UPK3A: variants seen among roughly 807,000 people sequenced by gnomAD.
The protein encoded by UPK3A is uroplakin 3A.
UPK3A carries 32 observed loss-of-function variants against 27.6 expected under a neutral mutation model. That is an observed-to-expected ratio of 1.16 (90% CI 0.87 to 1.55). UPK3A has a LOEUF of 1.55. UPK3A is among the 40% of genes most tolerant of loss of function. UPK3A has a pLI of 0.00. For missense variants in UPK3A, 370 were observed against 367.9 expected, an observed-to-expected ratio of 1.01 and a Z score of -0.05; for synonymous variants, 171 against 163.9, an observed-to-expected ratio of 1.04 and a Z score of -0.33.
intron 5 of UPK3A, among the ~76,000 whole-genome samples, chr22:45,293,781 C>A (rs118012774): frequency 2.9e-3 from 449 of 152,280 alleles, no homozygotes; most frequent in Non-Finnish European, 4.9e-3. Context: ...TATAATACAC[C>A]TACTTGCAGT....
Position 45,293,175 on chromosome 22 carries a change from C to A in UPK3A, c.572-6C>A. ...TGGGAAGTAACCGGGCTGCATCCCA[C>A]CACAGTCACCCCATACTCGACGATC... On this transcript the variant is annotated splice_polypyrimidine_tract_variant and splice_region_variant and intron_variant, in intron 4 of 5. Transcript: ENST00000216211. 1 of 1,613,606 alleles carries A rather than the reference C, an allele frequency of 6.2e-7. No individual in the cohort carries two copies. Among genetic ancestry groups the A allele is most frequent in the Non-Finnish European group, 8.5e-7 (1 of 1,180,024 alleles).
chr22:45,293,053 C>T, intron 4 of UPK3A, 128 bp from the exon 5 acceptor site: 1 of 1,381,384 alleles, frequency 7.2e-7, no homozygotes, highest in South Asian at 1.2e-5. Context: ...AGAGAAGTCG[C>T]CCCACTGGGT....
At position 45,287,214 on chromosome 22, in the gene UPK3A, C is replaced by T. The variant is rs755300947; in HGVS notation, c.251C>T (p.Pro84Leu). ...NASVQDSTNT[P>L]LGSTFLQTEG... ...TCAGTGCAAGACAGCACCAACACCC[C>T]ACTGGGCTCAACGTTCCTACAAACA... The change falls in exon 3 of 6, where the codon CCA becomes CTA. Residue 84 changes from proline (P) to leucine (L), a missense_variant. By Grantham distance (98) the Pro-to-Leu change is moderately conservative. Coordinates refer to ENST00000216211, the MANE Select transcript of UPK3A (RefSeq NM_006953.4). 6.2e-7 allele frequency: 1 copy of T among 1,614,242 alleles called. No homozygotes were observed. Among genetic ancestry groups the T allele is most frequent in the Non-Finnish European group, 8.5e-7 (1 of 1,180,052 alleles).
In UPK3A at chr22:45,295,826, T is replaced by C. The variant is rs558490093; in HGVS notation, c.*107T>C. ...TTCAGGGAAGGTGAAACAGGGCTTG[T>C]CCCTCCAACTGCAGGAAAACCCTTA... On this transcript the variant is annotated 3_prime_UTR_variant, in exon 6 of 6. Coordinates refer to ENST00000216211, the MANE Select transcript of UPK3A (RefSeq NM_006953.4). 2.4e-3 allele frequency: 3,196 copies of C among 1,334,734 alleles called. 10 individuals are homozygous for C. Among genetic ancestry groups the C allele is most frequent in the Non-Finnish European group, 3.1e-3 (2,917 of 949,728 alleles). 82.7% of individuals were successfully genotyped at this position (1,334,734 alleles called of 1,614,324 possible).
chr22:45,285,887 T>C (rs1419974902), intron 1 of UPK3A, 54 bp from the exon 2 acceptor site: 31 of 1,610,810 alleles, frequency 1.9e-5, no homozygotes, highest in Non-Finnish European at 2.4e-5. Context: ...GCAAGCAGAG[T>C]GGGTGTGGAC....
At chr22:45,289,816 C>T (rs1009115750) in intron 4 of UPK3A, among the ~76,000 whole-genome samples, 2 of 151,840 alleles carry the variant, frequency 1.3e-5, no homozygotes, top group African/African-American at 4.8e-5. Flanking sequence ...CCTTGAGGGC[C>T]AGGTGTGGGA....
At chr22:45,285,148 T>TCAGGG in intron 1 of UPK3A, 83 bp downstream of exon 1, 2 of 1,292,510 alleles carry the variant, frequency 1.5e-6, no homozygotes, top group Non-Finnish European at 2.1e-6. Context: ...TGGACCCTGA[T>TCAGGG]TCCTGGCGCT....
rs145912537 is a variant in UPK3A, at chr22:45,290,020, A to T, written c.571+877A>T. Reference sequence around the variant, plus strand: ...AGCAGCAAGCACCCTATGGCCAGGTAAGATGTTTCCAAGGCCTAAAACCAA... The same window carrying T: ...AGCAGCAAGCACCCTATGGCCAGGTTAGATGTTTCCAAGGCCTAAAACCAA... On this transcript the variant is annotated intron_variant, in intron 4 of 5. Transcript: ENST00000216211. Among the ~76,000 whole-genome samples, 307 of 152,292 alleles carry T rather than the reference A, an allele frequency of 2.0e-3. 1 individual carries two copies. Among genetic ancestry groups the T allele is most frequent in the African/African-American group, 6.9e-3 (288 of 41,558 alleles).
In UPK3A at chr22:45,293,217, G is replaced by A. The variant is rs766890662; in HGVS notation, c.608G>A (p.Arg203Gln). The change falls in exon 5 of 6, where the codon CGG becomes CAG. Residue 203 changes from arginine (R) to glutamine (Q), a missense_variant. Arg to Gln is a conservative substitution (Grantham distance 43). Coordinates refer to ENST00000216211, the MANE Select transcript of UPK3A (RefSeq NM_006953.4). Reference protein sequence around the residue: ...PYSTIDTWPGRRSGGMIVITS... With the variant: ...PYSTIDTWPGQRSGGMIVITS... ...TCGACGATCGACACGTGGCCAGGCC[G>A]GCGGAGCGGAGGCATGATCGTCATC... 25 of 1,613,950 alleles carry A rather than the reference G, an allele frequency of 1.5e-5. No individual in the cohort carries two copies. The highest frequency in any genetic ancestry group is 1.1e-4 in the East Asian group (5 of 44,868).
intron 1 of UPK3A, 67 bp from the exon 2 acceptor site, chr22:45,285,874 A>G: frequency 1.9e-6 from 3 of 1,608,698 alleles, no homozygotes; most frequent in Non-Finnish European, 2.5e-6. Flanking sequence ...GTGCTCAGTA[A>G]CTGCAAGCAG....
At position 45,285,992 on chromosome 22, in the gene UPK3A, C is replaced by T. The variant is rs150489974; in HGVS notation, c.104C>T (p.Pro35Leu). The change falls in exon 2 of 6, where the codon CCC (proline) becomes CTC (leucine). Residue 35 changes from proline (P) to leucine (L), a missense_variant. Coordinates refer to ENST00000216211, the MANE Select transcript of UPK3A (RefSeq NM_006953.4). ...AGTGTGACTTTCGCCACCAACAACC[C>T]CACACTTACCACTGTGGCCTTGGAA... ...LASVTFATNN[P>L]TLTTVALEKP... The T allele has an allele frequency of 6.2e-7, 1 of 1,614,062 alleles. No individual in the cohort carries two copies. Among genetic ancestry groups the T allele is most frequent in the Non-Finnish European group, 8.5e-7 (1 of 1,180,014 alleles).
chr22:45,286,541 C>T (rs1187290873), intron 2 of UPK3A, among the ~76,000 whole-genome samples: 2 of 152,162 alleles, frequency 1.3e-5, no homozygotes, highest in African/African-American at 4.8e-5. Context: ...TGCATTTGGA[C>T]CTGCTGCTGT....
intron 5 of UPK3A, 44 bp downstream of exon 5, chr22:45,293,357 C>T: frequency 6.2e-7 from 1 of 1,611,134 alleles, no homozygotes; most frequent in South Asian, 1.1e-5. Context: ...AGGGACATGC[C>T]AGACACATTT....
chr22:45,288,613 G>A (rs1293723547), intron 3 of UPK3A, among the ~76,000 whole-genome samples: 1 of 152,254 alleles, frequency 6.6e-6, no homozygotes, highest in Non-Finnish European at 1.5e-5. Flanking sequence ...GATTACAGGC[G>A]TGAGCCACCA....
At position 45,286,165 on chromosome 22, in the gene UPK3A, A is replaced by C. The variant is rs979265299; in HGVS notation, c.208+69A>C. 2.5e-6 allele frequency: 4 copies of C among 1,589,114 alleles called. No individual in the cohort carries two copies. In the African/African-American group the frequency reaches 5.4e-5, roughly 21 times the overall value. On this transcript the variant is annotated intron_variant, in intron 2 of 5. Coordinates refer to ENST00000216211, the MANE Select transcript of UPK3A (RefSeq NM_006953.4). ...ACCTGTCTGCAGGGAGGAGGGAAGG[A>C]GGCAGATAGAGGAACCCTCCATGCC...
chr22:45,294,475 G>A (rs879724676), intron 5 of UPK3A, among the ~76,000 whole-genome samples: 4 of 152,044 alleles, frequency 2.6e-5, no homozygotes, highest in Non-Finnish European at 5.9e-5. Flanking sequence ...TGTCAGTGGA[G>A]TCCCGAGTCC....
intron 4 of UPK3A, among the ~76,000 whole-genome samples, chr22:45,291,198 G>C (rs541651479): frequency 6.6e-6 from 1 of 152,136 alleles, no homozygotes; most frequent in East Asian, 1.9e-4. Context: ...GGGGTTGTGT[G>C]TGTGAATATG....
chr22:45,293,084 C>T (rs2084172176), intron 4 of UPK3A, 97 bp from the exon 5 acceptor site: 2 of 1,568,326 alleles, frequency 1.3e-6, no homozygotes, highest in East Asian at 2.3e-5. Context: ...TCCCTGGATC[C>T]CCGGCAGCCA....
chr22:45,286,094 C>A lies in UPK3A; in HGVS notation c.206C>A (p.Ser69Ter). 2.5e-6 allele frequency: 4 copies of A among 1,614,104 alleles called. No homozygotes were observed. Among genetic ancestry groups the A allele is most frequent in the Non-Finnish European group, 3.4e-6 (4 of 1,180,002 alleles). ...GTCTACCTGTATGTCCTGGTCGACT[C>A]AGGTAAGGGTCCTGCTTCCCTCTGG... is the stretch of plus-strand genomic sequence containing the variant. ...HEVYLYVLVD[S>*]AISRNASVQD... The change falls in exon 2 of 6, where the codon TCA becomes TAA. Residue 69 changes from serine (S) to a stop codon, truncating the protein, a stop_gained and splice_region_variant. Transcript: ENST00000216211. LOFTEE classifies it high-confidence loss of function.
Sources: gnomAD v4.1 joint callset for allele counts (sites outside exome capture counted in the v4.1 genomes callset) on GRCh38, gnomAD v4.1.1 for gene constraint, MANE v1.5 for transcripts, NCBI Gene and HGNC (gene_info 2026-07-23, HGNC 2026-07-21) for gene names.